The following KIRREL3 variants were observed in gnomAD, a reference collection of about 807,000 sequenced individuals.
KIRREL3 encodes kirre like nephrin family adhesion molecule 3.
A neutral mutation model predicts 89.7 loss-of-function variants in KIRREL3; 36 were observed. That is an observed-to-expected ratio of 0.40 (90% CI 0.31 to 0.53). The LOEUF is 0.53. KIRREL3 is among the 20% of genes least tolerant of loss of function. KIRREL3 has a pLI of 0.49. For missense variants in KIRREL3, 864 were observed against 1,056.6 expected (o/e 0.82, Z 2.53); for synonymous variants, 445 against 441.4 (o/e 1.01, Z -0.10).
In KIRREL3 at chr11:126,609,593, G is replaced by A. The variant is rs932153641; in HGVS notation, c.56-46681C>T. Among the ~76,000 whole-genome samples the A allele has an allele frequency of 1.3e-5, 2 of 152,154 alleles. 1 individual carries two copies. The highest frequency in any genetic ancestry group is 4.1e-4 in the South Asian group (2 of 4,822). ...CTTGCACTAAGCTCAGCTCCTTTCT[G>A]GGGGGACCTCCGATGCATGCTCACT... is the stretch of plus-strand genomic sequence containing the variant. On this transcript the variant is annotated intron_variant, in intron 1 of 16. Transcript: ENST00000525144. This position sits in a 1 kb window ranked among gnomAD's most constrained non-coding sequence, Gnocchi z 5.0.
rs1408298106 is a variant in KIRREL3 at position 126,531,387 on chromosome 11, C to T, written c.134-4700G>A. Among the ~76,000 whole-genome samples the T allele has an allele frequency of 6.6e-6, 1 of 152,244 alleles. No homozygotes were observed. Among genetic ancestry groups the T allele is most frequent in the Non-Finnish European group, 1.5e-5 (1 of 68,044 alleles). ...AAGGGGTGGGACCTCTCATGGCTCT[C>T]CACTCTCTGCGGGACAACGCCCAAC... On this transcript the variant is annotated intron_variant, in intron 2 of 16. Transcript: ENST00000525144. This position sits in a 1 kb window ranked among gnomAD's most constrained non-coding sequence, Gnocchi z 4.7.
rs1004233442 is a variant in KIRREL3, at chr11:126,544,922, C to T, written c.133+17913G>A. Among the ~76,000 whole-genome samples the T allele has an allele frequency of 6.6e-6, 1 of 152,080 alleles. No homozygotes were observed. The highest frequency in any genetic ancestry group is 2.4e-5 in the African/African-American group (1 of 41,402). ...TAGGCCACAGAGAGGGGAGAAGACACAATAATGAAAAACTCAACGTGCAAC... is the reference window on the plus strand; with the variant it reads ...TAGGCCACAGAGAGGGGAGAAGACATAATAATGAAAAACTCAACGTGCAAC... On this transcript the variant is annotated intron_variant, in intron 2 of 16. Transcript: ENST00000525144. The surrounding 1 kb of genome is among the most constrained non-coding windows in gnomAD (Gnocchi z 5.6).
At chr11:126,453,676 G>A (rs1003232638) in intron 7 of KIRREL3, among the ~76,000 whole-genome samples, 11 of 152,098 alleles carry the variant, frequency 7.2e-5, no homozygotes, top group African/African-American at 2.2e-4. Context: ...TCCCCTCTCC[G>A]TGGCCCCTCC....
intron 13 of KIRREL3, among the ~76,000 whole-genome samples, chr11:126,433,371 A>T (rs1001669619): frequency 1.3e-5 from 2 of 152,140 alleles, no homozygotes; most frequent in African/African-American, 2.4e-5. Context: ...TGCTGCTGGG[A>T]GGAGGTATCA....
chr11:126,588,887 G>T (rs1259274578), intron 1 of KIRREL3, among the ~76,000 whole-genome samples: 1 of 152,132 alleles, frequency 6.6e-6, no homozygotes, highest in African/African-American at 2.4e-5. Context: ...GAAGAAGGTG[G>T]CGGTGGTGGG....
At chr11:126,927,494 A>G (rs1947770579) in intron 1 of KIRREL3, among the ~76,000 whole-genome samples, 1 of 152,230 alleles carries the variant, frequency 6.6e-6, no homozygotes, top group Non-Finnish European at 1.5e-5. Context: ...TCTCTTTATT[A>G]TAACAAGAAT....
At position 126,428,011 on chromosome 11, in the gene KIRREL3, G is replaced by A. The variant is rs1041828436; in HGVS notation, c.1806+1168C>T. 2.0e-5 allele frequency among the ~76,000 whole-genome samples: 3 copies of A among 152,204 alleles called. No homozygotes were observed. The highest frequency in any genetic ancestry group is 2.9e-5 in the Non-Finnish European group (2 of 68,040). On this transcript the variant is annotated intron_variant, in intron 15 of 16. Coordinates refer to ENST00000525144, the MANE Select transcript of KIRREL3 (RefSeq NM_032531.4). This position sits in a 1 kb window ranked among gnomAD's most constrained non-coding sequence, Gnocchi z 6.4. ...GAAAAGTCAGTTTGATTCAGTAAAC[G>A]TCTGTGAGCCTCTACCAGGGCCTGT... is the stretch of plus-strand genomic sequence containing the variant.
At chr11:126,869,344 T>C (rs1565369249) in intron 1 of KIRREL3, among the ~76,000 whole-genome samples, 1 of 152,028 alleles carries the variant, frequency 6.6e-6, no homozygotes, top group African/African-American at 2.4e-5. Context: ...ACTCATGACT[T>C]GCTGGATAAG....
Position 126,463,259 on chromosome 11 carries a change from T to A in KIRREL3, c.640A>T (p.Ile214Phe), listed in dbSNP as rs1293434426. The A allele has an allele frequency of 2.5e-6, 4 of 1,613,570 alleles. No homozygotes were observed. The East Asian group carries it at 8.9e-5, about 36-fold the overall frequency. Reference protein sequence around the residue: ...KRESIVSTLFISPGDVENGQS... With the variant: ...KRESIVSTLFFSPGDVENGQS... ...CCATTCTCCACGTCACCAGGGGAGA[T>A]GAAGAGGGTGCTGACGATGCTCTCC... The change falls in exon 6 of 17, where the codon ATC (isoleucine) becomes TTC (phenylalanine). Residue 214 changes from isoleucine to phenylalanine, a missense_variant. By Grantham distance (21) the Ile-to-Phe change is conservative (BLOSUM62 0). Coordinates refer to ENST00000525144, the MANE Select transcript of KIRREL3 (RefSeq NM_032531.4). The surrounding 1 kb of genome is among the most constrained non-coding windows in gnomAD (Gnocchi z 5.9).
At chr11:126,861,036 T>C (rs915315428) in intron 1 of KIRREL3, among the ~76,000 whole-genome samples, 3 of 152,174 alleles carry the variant, frequency 2.0e-5, no homozygotes, top group Non-Finnish European at 2.9e-5. Flanking sequence ...TTATTTTAAT[T>C]TGTGTACTCG....
Position 126,904,082 on chromosome 11 carries a change from A to G in KIRREL3, c.55+96373T>C, listed in dbSNP as rs771770885. 1.1e-4 allele frequency among the ~76,000 whole-genome samples: 16 copies of G among 152,318 alleles called. No homozygotes were observed. Among genetic ancestry groups the G allele is most frequent in the Non-Finnish European group, 2.1e-4 (14 of 68,032 alleles). On this transcript the variant is annotated intron_variant, in intron 1 of 16. Coordinates refer to ENST00000525144, the MANE Select transcript of KIRREL3 (RefSeq NM_032531.4). This position sits in a 1 kb window ranked among gnomAD's most constrained non-coding sequence, Gnocchi z 4.4. Reference sequence around the variant, plus strand: ...AGGAGGCCAGATTACAAGACCCTGAAGGTCCTTTCCAACTCTAAATTGCTA... The same window carrying G: ...AGGAGGCCAGATTACAAGACCCTGAGGGTCCTTTCCAACTCTAAATTGCTA...
chr11:126,713,494 A>G (rs1471888162), intron 1 of KIRREL3, among the ~76,000 whole-genome samples: 2 of 152,220 alleles, frequency 1.3e-5, no homozygotes, highest in African/African-American at 4.8e-5. Flanking sequence ...AAGATGGGGC[A>G]GGAGGCCATT....
At chr11:126,509,524 CT>C (rs922430171) in intron 4 of KIRREL3, among the ~76,000 whole-genome samples, 7 of 152,108 alleles carry the variant, frequency 4.6e-5, no homozygotes, top group African/African-American at 1.7e-4. Context: ...CTCTTTTTTC[CT>C]TTTTTTCCCC....
At chr11:126,435,570 A>G (rs1261444520) in intron 12 of KIRREL3, among the ~76,000 whole-genome samples, 1 of 131,506 alleles carries the variant, frequency 7.6e-6, no homozygotes, top group Non-Finnish European at 1.6e-5. Context: ...GGGGGAGGGC[A>G]TGGGGATGGG....
rs995287421 is a variant in KIRREL3 at position 126,642,027 on chromosome 11, C to T, written c.56-79115G>A. Among the ~76,000 whole-genome samples, 5 of 152,138 alleles carry T rather than the reference C, an allele frequency of 3.3e-5. No individual in the cohort carries two copies. The highest frequency in any genetic ancestry group is 1.9e-4 in the East Asian group (1 of 5,184). On this transcript the variant is annotated intron_variant, in intron 1 of 16. Coordinates refer to ENST00000525144, the MANE Select transcript of KIRREL3 (RefSeq NM_032531.4). The surrounding 1 kb of genome is among the most constrained non-coding windows in gnomAD (Gnocchi z 4.9). ...CCTTCTGAAATGCTCAGAAATGTAC[C>T]GATGTCCTTAGATGCTGCAGATGGA...
intron 1 of KIRREL3, among the ~76,000 whole-genome samples, chr11:126,988,830 G>T (rs1337053097): frequency 6.6e-6 from 1 of 152,198 alleles, no homozygotes; most frequent in African/African-American, 2.4e-5. Flanking sequence ...CCCGTGGCTG[G>T]TCCCCATTCA....
rs1346393815 is a variant in KIRREL3 at position 126,814,460 on chromosome 11, A to G, written c.55+185995T>C. The stretch of plus-strand genomic sequence containing the variant: ...ATAAATCATTGTATTATAAAGATAC[A>G]TGCACTACATATGTTCATTGCAGCA... On this transcript the variant is annotated intron_variant, in intron 1 of 16. Coordinates refer to ENST00000525144, the MANE Select transcript of KIRREL3 (RefSeq NM_032531.4). The surrounding 1 kb of genome is among the most constrained non-coding windows in gnomAD (Gnocchi z 4.4). 6.6e-6 allele frequency among the ~76,000 whole-genome samples: 1 copy of G among 152,240 alleles called. No individual in the cohort carries two copies. The highest frequency in any genetic ancestry group is 1.5e-5 in the Non-Finnish European group (1 of 68,052).
intron 5 of KIRREL3, among the ~76,000 whole-genome samples, chr11:126,472,930 T>G: frequency 2.1e-5 from 1 of 47,668 alleles, no homozygotes; most frequent in African/African-American, 8.9e-5. Context: ...GCCCCCATTA[T>G]CCCCCCTCTA....
rs544283748 is a variant in KIRREL3, at chr11:126,443,890, G to A, written c.1252+1089C>T. 1.6e-4 allele frequency among the ~76,000 whole-genome samples: 24 copies of A among 152,286 alleles called. No individual in the cohort carries two copies. The South Asian group carries it at 5.0e-3, about 32-fold the overall frequency. On this transcript the variant is annotated intron_variant, in intron 10 of 16. Coordinates refer to ENST00000525144, the MANE Select transcript of KIRREL3 (RefSeq NM_032531.4). This position sits in a 1 kb window ranked among gnomAD's most constrained non-coding sequence, Gnocchi z 7.3. The stretch of plus-strand genomic sequence containing the variant: ...GAGTCAGGCTATGGTGGGAACAGGG[G>A]CCTCCCAAAGGGCAGTGGGCATGAC...
Sources: allele counts gnomAD v4.1 joint callset (sites outside exome capture counted in the v4.1 genomes callset), GRCh38; gene constraint gnomAD v4.1.1; non-coding constraint Gnocchi (gnomAD v3.1); transcripts MANE v1.5; gene names NCBI Gene and HGNC (gene_info 2026-07-23, HGNC 2026-07-21).